Variants in DIAPH2 observed in about 807,000 individuals in gnomAD.
The protein encoded by DIAPH2 is diaphanous related formin 2.
A neutral mutation model predicts 92.7 loss-of-function variants in DIAPH2; 35 were observed. That is an observed-to-expected ratio of 0.38 (90% CI 0.29 to 0.50). The LOEUF (loss-of-function observed/expected upper bound fraction) is 0.50. Among genes scored for constraint, DIAPH2 ranks in the 20% least tolerant of loss-of-function variants. DIAPH2 has a pLI of 0.94. For missense variants in DIAPH2, 701 were observed against 819.5 expected (o/e 0.86, Z 1.77); for synonymous variants, 301 against 280.4 (o/e 1.07, Z -0.73).
chrX:97,336,781 C>G (rs2069066028), intron 23 of DIAPH2, among the ~76,000 whole-genome samples: 1 of 111,280 alleles, frequency 9.0e-6, no homozygotes, highest in South Asian at 3.8e-4. Context: ...AAGCTAAACT[C>G]TGTCTTCGAA....
intron 22 of DIAPH2, among the ~76,000 whole-genome samples, chrX:97,149,460 G>A (rs753475666): frequency 1.9e-4 from 21 of 110,336 alleles, no homozygotes; most frequent in African/African-American, 6.9e-4. Flanking sequence ...GGCCGGGCGC[G>A]GTGGCTCACG....
intron 22 of DIAPH2, among the ~76,000 whole-genome samples, chrX:97,179,571 T>C (rs2147462778): frequency 8.9e-6 from 1 of 111,885 alleles, no homozygotes; most frequent in South Asian, 3.8e-4. Context: ...TAGTATTCCA[T>C]GATGTATATG....
intron 17 of DIAPH2, among the ~76,000 whole-genome samples, chrX:97,054,526 A>T (rs1243746001): frequency 9.0e-6 from 1 of 111,651 alleles, no homozygotes; most frequent in Non-Finnish European, 1.9e-5. Context: ...TCAGGAAGGC[A>T]TCTCAAAGGA....
intron 17 of DIAPH2, among the ~76,000 whole-genome samples, chrX:96,991,658 C>T (rs2066073345): frequency 9.4e-6 from 1 of 106,914 alleles, no homozygotes; most frequent in Admixed American, 1.0e-4. Flanking sequence ...TGTTTTCCTG[C>T]TATTCATTGA....
chrX:96,860,957 G>C lies in DIAPH2; in HGVS notation c.448-20622G>C, dbSNP rs750902082. Among the ~76,000 whole-genome samples the C allele has an allele frequency of 1.4e-4, 16 of 111,691 alleles. 1 individual carries two copies. The South Asian group carries it at 6.0e-3, about 42-fold the overall frequency. On this transcript the variant is annotated intron_variant, in intron 4 of 26. Coordinates refer to ENST00000324765, the MANE Select transcript of DIAPH2 (RefSeq NM_006729.5). The stretch of plus-strand genomic sequence containing the variant: ...AAAAATTCTCCCCGGACTTTATGGG[G>C]TAAAAGGAAAATGAGAATGGCAGAG...
At chrX:96,702,749 C>A (rs1429807702) in intron 1 of DIAPH2, among the ~76,000 whole-genome samples, 2 of 111,756 alleles carry the variant, frequency 1.8e-5, no homozygotes, top group Admixed American at 1.9e-4. Context: ...GACTGGAAGT[C>A]CAAGATCAGG....
chrX:97,277,200 T>C (rs780203768), intron 23 of DIAPH2, among the ~76,000 whole-genome samples: 12 of 111,165 alleles, frequency 1.1e-4, no homozygotes, highest in African/African-American at 3.9e-4. Context: ...TAGCCAGGCA[T>C]GGTGGCGTGG....
intron 4 of DIAPH2, among the ~76,000 whole-genome samples, chrX:96,793,903 G>A (rs992420158): frequency 8.9e-6 from 1 of 112,068 alleles, no homozygotes; most frequent in African/African-American, 3.2e-5. Flanking sequence ...AACTATTGAG[G>A]TGAGACAGCT....
intron 15 of DIAPH2, among the ~76,000 whole-genome samples, chrX:96,952,230 G>C (rs1464860555): frequency 9.0e-6 from 1 of 110,993 alleles, no homozygotes; most frequent in African/African-American, 3.3e-5. Flanking sequence ...TTCCAGGAGA[G>C]GATGGTTATT....
chrX:97,253,288 TA>T (rs1322235446), intron 23 of DIAPH2, among the ~76,000 whole-genome samples: 1,375 of 96,410 alleles, frequency 0.014, 36 homozygotes, highest in African/African-American at 0.048. Context: ...TAGGACTCCG[TA>T]AAAAAAAATA....
At chrX:97,264,172 A>G (rs747527353) in intron 23 of DIAPH2, among the ~76,000 whole-genome samples, 1 of 111,219 alleles carries the variant, frequency 9.0e-6, no homozygotes, top group South Asian at 3.8e-4. Flanking sequence ...TAATGATCTT[A>G]GATTATCATC....
At chrX:96,726,240 GTC>G (rs10558803) in intron 1 of DIAPH2, among the ~76,000 whole-genome samples, 20,938 of 110,302 alleles carry the variant, frequency 0.19, 1,501 homozygotes, top group East Asian at 0.32. Flanking sequence ...CTCTTCCTCT[GTC>G]TCTCTCCTCC....
intron 3 of DIAPH2, among the ~76,000 whole-genome samples, chrX:96,745,564 A>G (rs1569381643): frequency 8.9e-6 from 1 of 112,338 alleles, no homozygotes; most frequent in Non-Finnish European, 1.9e-5. Context: ...AGGCTTGTAG[A>G]TGTAGATAAT....
intron 19 of DIAPH2, among the ~76,000 whole-genome samples, chrX:97,085,953 G>T (rs2066780010): frequency 9.0e-6 from 1 of 111,586 alleles, no homozygotes. Flanking sequence ...GGGGAGAGTT[G>T]TTAGATGGGA....
Position 97,025,621 on chromosome X carries a change from C to G in DIAPH2, c.2051-47320C>G, listed in dbSNP as rs761771528. ...GGGCCGAGATCGCGCCACTGCACTC[C>G]AGCCTGGGCGACAGAGCAAGACTCC... On this transcript the variant is annotated intron_variant, in intron 17 of 26. Coordinates refer to ENST00000324765, the MANE Select transcript of DIAPH2 (RefSeq NM_006729.5). Among the ~76,000 whole-genome samples the G allele has an allele frequency of 4.5e-5, 5 of 111,150 alleles. 1 individual carries two copies. In the East Asian group the frequency reaches 1.4e-3, roughly 31 times the overall value.
intron 17 of DIAPH2, among the ~76,000 whole-genome samples, chrX:97,025,176 C>A (rs1198917245): frequency 9.1e-6 from 1 of 109,999 alleles, no homozygotes. Context: ...CGTGGTGAAA[C>A]CTGTCTCTAC....
chrX:97,256,655 T>G (rs2068238415), intron 23 of DIAPH2, among the ~76,000 whole-genome samples: 2 of 111,414 alleles, frequency 1.8e-5, no homozygotes, highest in African/African-American at 6.5e-5. Flanking sequence ...TTTCTTCTGT[T>G]TTTGTTTGTT....
intron 23 of DIAPH2, among the ~76,000 whole-genome samples, chrX:97,344,027 G>T (rs1368236095): frequency 1.8e-5 from 2 of 111,394 alleles, no homozygotes; most frequent in African/African-American, 6.5e-5. Context: ...TTTTTGAAAA[G>T]GTTGTTATAA....
chrX:97,107,554 C>T (rs1434221196), intron 20 of DIAPH2, among the ~76,000 whole-genome samples: 3 of 111,670 alleles, frequency 2.7e-5, no homozygotes, highest in Admixed American at 9.5e-5. Context: ...GTCATAAATG[C>T]CCCTGCCTTA....
Sources: allele counts gnomAD v4.1 joint callset (sites outside exome capture counted in the v4.1 genomes callset), GRCh38; gene constraint gnomAD v4.1.1; transcripts MANE v1.5; gene names NCBI Gene and HGNC (gene_info 2026-07-23, HGNC 2026-07-21).